The following ANKRD27 variants were observed in gnomAD, a reference collection of about 807,000 sequenced individuals.
ANKRD27 encodes ankyrin repeat domain-containing protein 27.
In ANKRD27, 112 loss-of-function variants were observed where a neutral mutation model predicts 129.7. The observed-to-expected ratio is 0.86, with a 90% CI of 0.74 to 1.01. ANKRD27 has a LOEUF of 1.01. Among genes scored for constraint, ANKRD27 ranks in the 50% least tolerant of loss-of-function variants. ANKRD27 has a pLI of 0.00. For missense variants in ANKRD27, 1,258 were observed against 1,300.5 expected, an observed-to-expected ratio of 0.97 and a Z score of 0.50; for synonymous variants, 516 against 511.2, an observed-to-expected ratio of 1.01 and a Z score of -0.13.
At position 32,644,432 on chromosome 19, in the gene ANKRD27, C is replaced by A. The variant is rs1239207753; in HGVS notation, c.418G>T (p.Asp140Tyr). 1.9e-6 allele frequency: 3 copies of A among 1,614,064 alleles called. No individual in the cohort carries two copies. Among genetic ancestry groups the A allele is most frequent in the Middle Eastern group, 1.7e-4 (1 of 6,056 alleles). Residue 140 changes from aspartate to tyrosine, a missense_variant, in exon 5 of 29, where the codon GAT becomes TAT. By Grantham distance (160) the Asp-to-Tyr change is radical. Transcript: ENST00000306065. ...TGTCTTCCCAAGAACTCTCTCACAT[C>A]TTCAATGGTTTTCAGGGAAAAGGGA... is the stretch of plus-strand genomic sequence containing the variant. Reference protein sequence around the residue: ...SDPFSLKTIEDVREFLGRHSE... With the variant: ...SDPFSLKTIEYVREFLGRHSE...
chr19:32,644,293 C>T (rs369732177), intron 5 of ANKRD27, 32 bp downstream of exon 5: 9 of 1,599,802 alleles, frequency 5.6e-6, no homozygotes, highest in East Asian at 2.2e-5. Flanking sequence ...CGAGACAGGG[C>T]ACGCCAGGCA....
intron 22 of ANKRD27, among the ~76,000 whole-genome samples, chr19:32,610,661 ATG>A (rs1369855968): frequency 6.6e-6 from 1 of 151,882 alleles, no homozygotes; most frequent in East Asian, 1.9e-4. Flanking sequence ...GTGTGGCGGC[ATG>A]CACCTGTAGT....
At chr19:32,662,946 G>T (rs1967674381) in intron 1 of ANKRD27, among the ~76,000 whole-genome samples, 1 of 152,112 alleles carries the variant, frequency 6.6e-6, no homozygotes, top group African/African-American at 2.4e-5. Context: ...GGAGGCTGAG[G>T]CAGGAGAATC....
intron 20 of ANKRD27, among the ~76,000 whole-genome samples, 182 bp downstream of exon 20, chr19:32,619,078 G>T (rs1971966399): frequency 6.6e-6 from 1 of 152,120 alleles, no homozygotes; most frequent in Admixed American, 6.6e-5. Context: ...ATACAGCACC[G>T]CGAGATGCTG....
At chr19:32,643,877 TG>T (rs1967250595) in intron 5 of ANKRD27, 6 of 548,016 alleles carry the variant, frequency 1.1e-5, no homozygotes, top group South Asian at 4.3e-5. Flanking sequence ...CCACTTGGTT[TG>T]TTTTTTCTTT....
At chr19:32,612,261 T>C (rs985045737) in intron 22 of ANKRD27, among the ~76,000 whole-genome samples, 1 of 152,170 alleles carries the variant, frequency 6.6e-6, no homozygotes, top group Non-Finnish European at 1.5e-5. Context: ...ACCATGTTCA[T>C]GAAGACTCAA....
At position 32,639,058 on chromosome 19, in the gene ANKRD27, C is replaced by A. The variant is rs2145296324; in HGVS notation, c.1116+298G>T. The A allele has an allele frequency of 8.8e-6, 4 of 452,072 alleles. No individual in the cohort carries two copies. The East Asian group carries it at 1.0e-4, about 11-fold the overall frequency. 28.0% of individuals were successfully genotyped at this position (452,072 alleles called of 1,614,324 possible). ...TTCTTGACTATCAAGGTCAAGAAATCCAAATTCCCTACTTCTGGCTTCCCT... is the reference window on the plus strand; with the variant it reads ...TTCTTGACTATCAAGGTCAAGAAATACAAATTCCCTACTTCTGGCTTCCCT... On this transcript the variant is annotated intron_variant, in intron 12 of 28. Transcript: ENST00000306065.
chr19:32,664,103 T>C (rs1287848868), intron 1 of ANKRD27, among the ~76,000 whole-genome samples: 2 of 151,474 alleles, frequency 1.3e-5, no homozygotes, highest in Admixed American at 6.6e-5. Flanking sequence ...TTAATTTTAA[T>C]GATATATTTT....
chr19:32,673,996 A>T (rs989216143), intron 1 of ANKRD27, among the ~76,000 whole-genome samples: 1 of 151,836 alleles, frequency 6.6e-6, no homozygotes, highest in African/African-American at 2.4e-5. Flanking sequence ...AAAAAAAAAA[A>T]AAAATTAAAA....
chr19:32,621,041 T>C (rs1409061240), intron 18 of ANKRD27, among the ~76,000 whole-genome samples: 1 of 152,184 alleles, frequency 6.6e-6, no homozygotes, highest in East Asian at 1.9e-4. Flanking sequence ...GCTTTCTGTA[T>C]GCCAATCATG....
intron 9 of ANKRD27, among the ~76,000 whole-genome samples, chr19:32,642,905 T>C (rs539361149): frequency 6.6e-6 from 1 of 152,186 alleles, no homozygotes; most frequent in African/African-American, 2.4e-5. Flanking sequence ...GCGGCTCCCA[T>C]CCAGCTGGCG....
Position 32,648,526 on chromosome 19 carries a change from C to T in ANKRD27, c.213+1156G>A, listed in dbSNP as rs183099348. ...TTACTCTCAAAAGATTCAGGCCAGGCGCGGTGGCGCACGCCTGTAATCCCA... is the reference window on the plus strand; with the variant it reads ...TTACTCTCAAAAGATTCAGGCCAGGTGCGGTGGCGCACGCCTGTAATCCCA... On this transcript the variant is annotated intron_variant, in intron 3 of 28. Coordinates refer to ENST00000306065, the MANE Select transcript of ANKRD27 (RefSeq NM_032139.3). Among the ~76,000 whole-genome samples the T allele has an allele frequency of 1.1e-4, 16 of 152,294 alleles. No individual in the cohort carries two copies. The East Asian group carries it at 2.5e-3, about 24-fold the overall frequency.
intron 26 of ANKRD27, among the ~76,000 whole-genome samples, chr19:32,600,854 C>T (rs898252508): frequency 2.0e-5 from 3 of 152,004 alleles, no homozygotes; most frequent in African/African-American, 4.8e-5. Flanking sequence ...GCATACCTCA[C>T]TGGATAATAT....
intron 1 of ANKRD27, among the ~76,000 whole-genome samples, chr19:32,663,686 CAT>C (rs1276192682): frequency 1.3e-5 from 2 of 152,150 alleles, no homozygotes; most frequent in Non-Finnish European, 2.9e-5. Context: ...CTTACTGTCA[CAT>C]GTGAGAAATA....
intron 22 of ANKRD27, chr19:32,608,416 C>T: frequency 5.5e-6 from 2 of 364,900 alleles, no homozygotes; most frequent in South Asian, 2.1e-5. Context: ...GCTGTTTGCA[C>T]CTCTGTTTAA....
chr19:32,657,815 A>T (rs1967571152), intron 2 of ANKRD27, among the ~76,000 whole-genome samples: 1 of 151,666 alleles, frequency 6.6e-6, no homozygotes, highest in East Asian at 1.9e-4. Context: ...TCTCTAGTAA[A>T]AACACAAAAA....
chr19:32,608,715 T>G (rs897170352), intron 22 of ANKRD27, among the ~76,000 whole-genome samples: 2 of 151,846 alleles, frequency 1.3e-5, no homozygotes, highest in Non-Finnish European at 2.9e-5. Flanking sequence ...ACTTTGAGAG[T>G]CCGAGGTGGG....
intron 12 of ANKRD27, chr19:32,637,551 C>T (rs35972270): frequency 0.41 from 62,717 of 152,254 alleles, 15,788 homozygotes; most frequent in Non-Finnish European, 0.57. Flanking sequence ...GCTGCAAAGA[C>T]GTAAGCTGCA....
At chr19:32,610,727 G>C (rs1257078730) in intron 22 of ANKRD27, among the ~76,000 whole-genome samples, 1 of 152,166 alleles carries the variant, frequency 6.6e-6, no homozygotes, top group Non-Finnish European at 1.5e-5. Context: ...GAGAGGCAGA[G>C]GTTGCAGTGA....
Sources: gnomAD v4.1 joint callset for allele counts (sites outside exome capture counted in the v4.1 genomes callset) on GRCh38, gnomAD v4.1.1 for gene constraint, MANE v1.5 for transcripts, NCBI Gene and HGNC (gene_info 2026-07-23, HGNC 2026-07-21) for gene names.